The following MISP variants were observed in gnomAD, a reference collection of about 807,000 sequenced individuals.
The protein encoded by MISP is mitotic spindle positioning.
A neutral mutation model predicts 49.3 loss-of-function variants in MISP; 51 were observed. That is an observed-to-expected ratio of 1.03 (90% CI 0.83 to 1.31). The LOEUF (loss-of-function observed/expected upper bound fraction) is 1.31. Among genes scored for constraint, MISP ranks in the 50% most tolerant of loss-of-function variants. The pLI, the probability that MISP is intolerant of heterozygous loss-of-function variation, is 0.00. For missense variants in MISP, 1,084 were observed against 935.1 expected, an observed-to-expected ratio of 1.16 and a Z score of -2.08; for synonymous variants, 444 against 392.6, an observed-to-expected ratio of 1.13 and a Z score of -1.55.
At chr19:760,294 A>T in intron 3 of MISP, 1 of 418,246 alleles carries the variant, frequency 2.4e-6, no homozygotes, top group Non-Finnish European at 4.3e-6. Context: ...CCAGGATCAA[A>T]GACCAAAGGA....
At chr19:754,650 C>T (rs954228550) in intron 1 of MISP, among the ~76,000 whole-genome samples, 3 of 152,140 alleles carry the variant, frequency 2.0e-5, no homozygotes, top group Non-Finnish European at 4.4e-5. Context: ...ATACCTAAGA[C>T]GGGTGCTGGG....
At chr19:760,951 C>A (rs1379614492) in intron 3 of MISP, among the ~76,000 whole-genome samples, 1 of 151,804 alleles carries the variant, frequency 6.6e-6, no homozygotes, top group East Asian at 1.9e-4. Context: ...AATTTTGATG[C>A]CTTGTTGTTA....
At chr19:749,830 A>C (rs1219924474), upstream of MISP, among the ~76,000 whole-genome samples, 1 of 130,028 alleles carries the variant, frequency 7.7e-6, no homozygotes, top group African/African-American at 2.5e-5. Context: ...GTCTCAAAAA[A>C]AAAACACAAA....
upstream of MISP, among the ~76,000 whole-genome samples, chr19:750,600 CAG>C: frequency 6.6e-6 from 1 of 152,244 alleles, no homozygotes; most frequent in Non-Finnish European, 1.5e-5. Flanking sequence ...GAGGAGAAAA[CAG>C]GGCTAAGAGA....
chr19:760,735 G>A (rs559401431), intron 3 of MISP, among the ~76,000 whole-genome samples: 8 of 151,782 alleles, frequency 5.3e-5, no homozygotes, highest in Non-Finnish European at 1.0e-4. Context: ...TGGAGGGAAG[G>A]AAGGAACAAA....
chr19:750,025 G>A (rs940179217), upstream of MISP, among the ~76,000 whole-genome samples: 8 of 151,974 alleles, frequency 5.3e-5, no homozygotes, highest in African/African-American at 1.7e-4. Flanking sequence ...CATAGACGGC[G>A]CTAGGCCCAG....
chr19:755,039 G>A (rs1198077793), intron 1 of MISP, among the ~76,000 whole-genome samples: 1 of 150,624 alleles, frequency 6.6e-6, no homozygotes, highest in Non-Finnish European at 1.5e-5. Context: ...TGGGGTGGAA[G>A]AGGAGGGTCT....
Position 764,278 on chromosome 19 carries a change from C to G in MISP, c.*688C>G, listed in dbSNP as rs1306395013. 6.6e-6 allele frequency: 1 copy of G among 152,312 alleles called. No homozygotes were observed. The highest frequency in any genetic ancestry group is 1.5e-5 in the Non-Finnish European group (1 of 68,128). The allele number at this position is 152,312 out of a possible 1,614,324, so 9.4% of individuals were successfully genotyped here. On this transcript the variant is annotated 3_prime_UTR_variant, in exon 5 of 5. Transcript: ENST00000215582. Reference sequence around the variant, plus strand: ...GAGCTGGAGGGGGGTCTTTGTCCCCCACCCCCAAACTGCCCTGAAATAAAC... The same window carrying G: ...GAGCTGGAGGGGGGTCTTTGTCCCCGACCCCCAAACTGCCCTGAAATAAAC...
At chr19:759,666 C>CT (rs1252784202) in intron 2 of MISP, among the ~76,000 whole-genome samples, 1 of 152,140 alleles carries the variant, frequency 6.6e-6, no homozygotes, top group Non-Finnish European at 1.5e-5. Flanking sequence ...TCCCAAAGTG[C>CT]TGGGATTACA....
At chr19:761,579 G>C in intron 3 of MISP, 46 bp from the exon 4 acceptor site, 2 of 1,612,470 alleles carry the variant, frequency 1.2e-6, no homozygotes, top group Non-Finnish European at 1.7e-6. Context: ...ACTCTGCACC[G>C]GGCAGGGCAG....
At chr19:763,008 G>T (rs2033698027) in intron 4 of MISP, among the ~76,000 whole-genome samples, 1 of 152,136 alleles carries the variant, frequency 6.6e-6, no homozygotes, top group Non-Finnish European at 1.5e-5. Flanking sequence ...CAAATACATT[G>T]GACAGGCACG....
In MISP at chr19:758,464, G is replaced by A; in HGVS notation, c.1518G>A (p.Leu506=). The A allele has an allele frequency of 6.2e-7, 1 of 1,614,136 alleles. No homozygotes were observed. Among genetic ancestry groups the A allele is most frequent in the Admixed American group, 1.7e-5 (1 of 60,026 alleles). The change falls in exon 2 of 5, where the codon CTG becomes CTA. Residue 506 remains leucine, a synonymous_variant. Transcript: ENST00000215582. ...RGVVRWEYFR[L]RPLRFRAPDE... ...TCGTGCGGTGGGAGTACTTCCGCCT[G>A]CGTCCTCTGCGGTTCAGGGCCCCAG...
chr19:758,130 C>A lies in MISP; in HGVS notation c.1184C>A (p.Ser395Ter). 6.2e-7 allele frequency: 1 copy of A among 1,610,514 alleles called. No homozygotes were observed. Among genetic ancestry groups the A allele is most frequent in the Non-Finnish European group, 8.5e-7 (1 of 1,178,758 alleles). ...CCCGGACTCCGGAGAGCCCTCAGCT[C>A]AGATTCCATCCTCAGCCCGGCCCCA... is the stretch of plus-strand genomic sequence containing the variant. ...PQPGLRRALS[S>*]DSILSPAPDA... Residue 395 changes from serine to a stop codon, truncating the protein, a stop_gained, in exon 2 of 5, where the codon TCA becomes TAA. Coordinates refer to ENST00000215582, the MANE Select transcript of MISP (RefSeq NM_173481.4). LOFTEE classifies it high-confidence loss of function.
At chr19:755,707 A>C (rs868832934) in intron 1 of MISP, among the ~76,000 whole-genome samples, 30 of 152,234 alleles carry the variant, frequency 2.0e-4, no homozygotes, top group South Asian at 8.3e-4. Context: ...CGAGGCGGGC[A>C]GATCACCTGA....
intron 3 of MISP, chr19:760,418 T>C (rs1237639115): frequency 5.7e-6 from 1 of 174,208 alleles, no homozygotes; most frequent in Non-Finnish European, 1.1e-5. Context: ...CAGGCTGGAG[T>C]GCAGTAGCAC....
In MISP at chr19:757,090, G is replaced by T. The variant is rs543257069; in HGVS notation, c.144G>T (p.Pro48=). 1.2e-6 allele frequency: 2 copies of T among 1,612,746 alleles called. No individual in the cohort carries two copies. Among genetic ancestry groups the T allele is most frequent in the African/African-American group, 1.3e-5 (1 of 74,946 alleles). The change falls in exon 2 of 5, where the codon CCG becomes CCT. Residue 48 remains proline, a synonymous_variant. Transcript: ENST00000215582. ...CCAGCGGCTGGGGCCAGGATGAGCC[G>T]CAGACATGGCCCACTGACCACAGGG... is the stretch of plus-strand genomic sequence containing the variant. ...PEASGWGQDE[P]QTWPTDHRAQ...
chr19:757,664 G>C lies in MISP; in HGVS notation c.718G>C (p.Ala240Pro), dbSNP rs953683985. The part of the protein sequence containing the change: ...APKAFNKPHL[A>P]NGHVVPIKPQ... ...CAAGGCCTTCAACAAGCCCCACCTG[G>C]CCAACGGGCACGTGGTTCCCATCAA... Residue 240 changes from alanine to proline, a missense_variant, in exon 2 of 5, where the codon GCC becomes CCC. Transcript: ENST00000215582. 5 of 1,613,240 alleles carry C rather than the reference G, an allele frequency of 3.1e-6. No individual in the cohort carries two copies. In the Admixed American group the frequency reaches 8.3e-5, roughly 27 times the overall value.
chr19:757,701 A>C lies in MISP; in HGVS notation c.755A>C (p.Lys252Thr). The C allele has an allele frequency of 4.3e-6, 7 of 1,613,854 alleles. No individual in the cohort carries two copies. Among genetic ancestry groups the C allele is most frequent in the Non-Finnish European group, 5.9e-6 (7 of 1,179,974 alleles). Residue 252 changes from lysine (K) to threonine (T), a missense_variant, in exon 2 of 5, where the codon AAG becomes ACG. Physicochemically the swap from Lys to Thr is moderately conservative, Grantham distance 78. Coordinates refer to ENST00000215582, the MANE Select transcript of MISP (RefSeq NM_173481.4). Reference sequence around the variant, plus strand: ...GTGGTTCCCATCAAGCCCCAGGTGAAGGGGGTGGTCAGGGAAGAGAACAAG... The same window carrying C: ...GTGGTTCCCATCAAGCCCCAGGTGACGGGGGTGGTCAGGGAAGAGAACAAG... ...GHVVPIKPQV[K>T]GVVREENKVR...
At position 758,333 on chromosome 19, in the gene MISP, G is replaced by T. The variant is rs751914665; in HGVS notation, c.1387G>T (p.Ala463Ser). ...AEAKAATSPK[A>S]TMSPRHLSES... is the part of the protein sequence containing the mutation. ...GGCCAAGGCTGCGACTTCACCAAAGGCCACGATGTCCCCGAGGCATCTCTC... is the reference window on the plus strand; with the variant it reads ...GGCCAAGGCTGCGACTTCACCAAAGTCCACGATGTCCCCGAGGCATCTCTC... The change falls in exon 2 of 5, where the codon GCC (alanine) becomes TCC (serine). Residue 463 changes from alanine to serine, a missense_variant. Ala to Ser is a moderately conservative substitution (Grantham distance 99). Coordinates refer to ENST00000215582, the MANE Select transcript of MISP (RefSeq NM_173481.4). The T allele has an allele frequency of 6.2e-7, 1 of 1,614,180 alleles. No homozygotes were observed. Among genetic ancestry groups the T allele is most frequent in the Non-Finnish European group, 8.5e-7 (1 of 1,180,042 alleles).
Sources: gnomAD v4.1 joint callset for allele counts (sites outside exome capture counted in the v4.1 genomes callset) on GRCh38, gnomAD v4.1.1 for gene constraint, MANE v1.5 for transcripts, NCBI Gene and HGNC (gene_info 2026-07-23, HGNC 2026-07-21) for gene names.